Variants in FGF17 observed in about 807,000 individuals in gnomAD.
The protein encoded by FGF17 is fibroblast growth factor 17.
FGF17 carries 5 observed loss-of-function variants against 23.5 expected under a neutral mutation model. That is an observed-to-expected ratio of 0.21 (90% confidence interval 0.11 to 0.45). The LOEUF (loss-of-function observed/expected upper bound fraction) is 0.45, where lower values mean the gene tolerates loss of function less well. Among genes scored for constraint, FGF17 ranks in the 20% least tolerant of loss-of-function variants. The probability of loss-of-function intolerance (pLI) is 0.99; values close to 1 mark genes in which losing one functional copy is unlikely to be tolerated. For missense variants in FGF17, 221 were observed against 306.9 expected (o/e 0.72, Z 2.09); for synonymous variants, 136 against 123.0 (o/e 1.11, Z -0.70).
chr8:22,045,807 G>T, intron 2 of FGF17: 2 of 1,300,876 alleles, frequency 1.5e-6, no homozygotes, highest in Non-Finnish European at 2.0e-6. Flanking sequence ...TAGAATACGA[G>T]GACGGGATAG....
chr8:22,040,745 G>C (rs1373130114), upstream of FGF17, among the ~76,000 whole-genome samples: 2 of 152,226 alleles, frequency 1.3e-5, no homozygotes, highest in Non-Finnish European at 2.9e-5. Flanking sequence ...TCGCCCCCCA[G>C]CTGACACCTC....
At chr8:22,042,621 T>C (rs1326976265), upstream of FGF17, 2 of 577,988 alleles carry the variant, frequency 3.5e-6, no homozygotes, top group Non-Finnish European at 3.1e-6. Flanking sequence ...ATCCCTGCAC[T>C]GGGTGGCCCA....
At chr8:22,047,835 TG>T in intron 4 of FGF17, 120 bp from the exon 5 acceptor site, 2 of 959,590 alleles carry the variant, frequency 2.1e-6, no homozygotes, top group Non-Finnish European at 3.1e-6. Context: ...CAGAGTTCCC[TG>T]GGCTCACGGC....
chr8:22,042,804 G>GC, upstream of FGF17: 9 of 719,556 alleles, frequency 1.3e-5, no homozygotes, highest in Non-Finnish European at 2.0e-5. Flanking sequence ...TCTCCTCCTC[G>GC]CCCCCCTGAA....
chr8:22,042,663 G>A (rs545389403), upstream of FGF17: 13 of 597,800 alleles, frequency 2.2e-5, no homozygotes, highest in East Asian at 1.9e-4. Flanking sequence ...GGCACAGCGC[G>A]CACGCCCCCA....
Position 22,042,958 on chromosome 8 carries a change from C to A in FGF17, c.30C>A (p.Leu10=). 1 of 1,613,360 alleles carries A rather than the reference C, an allele frequency of 6.2e-7. No individual in the cohort carries two copies. The change falls in exon 1 of 5, where the codon CTC becomes CTA. Residue 10 remains leucine (L), a synonymous_variant. Transcript: ENST00000359441. The part of the protein sequence containing the change: MGAARLLPN[L]TLCLQLLILC... Reference sequence around the variant, plus strand: ...GAGCCGCCCGCCTGCTGCCCAACCTCACTCTGTAAGTGTGCTACCTCTCCC... The same window carrying A: ...GAGCCGCCCGCCTGCTGCCCAACCTAACTCTGTAAGTGTGCTACCTCTCCC...
upstream of FGF17, chr8:22,042,604 C>A: frequency 1.8e-6 from 1 of 553,042 alleles, no homozygotes; most frequent in Non-Finnish European, 3.2e-6. Context: ...AAGGCCCCCA[C>A]CGCTCCATCC....
At chr8:22,043,873 C>T (rs867574122) in intron 2 of FGF17, among the ~76,000 whole-genome samples, 10 of 152,218 alleles carry the variant, frequency 6.6e-5, no homozygotes, top group Non-Finnish European at 8.8e-5. Flanking sequence ...GGTCCAGAAC[C>T]GCTCTGGGGA....
upstream of FGF17, among the ~76,000 whole-genome samples, chr8:22,040,963 GA>G (rs1441365532): frequency 6.6e-6 from 1 of 152,202 alleles, no homozygotes; most frequent in Non-Finnish European, 1.5e-5. Context: ...TCCGCAGGGG[GA>G]AAGCAGAGAG....
Position 22,048,336 on chromosome 8 carries a change from G to A in FGF17, c.*87G>A. The A allele has an allele frequency of 8.3e-7, 1 of 1,204,162 alleles. No individual in the cohort carries two copies. The highest frequency in any genetic ancestry group is 1.1e-6 in the Non-Finnish European group (1 of 876,974). 74.6% of individuals were successfully genotyped at this position (1,204,162 alleles called of 1,614,324 possible). A position where few individuals can be genotyped will look rare whatever the true frequency, so the allele number is the denominator to read the frequency against. On this transcript the variant is annotated 3_prime_UTR_variant, in exon 5 of 5. Transcript: ENST00000359441. The surrounding 1 kb of genome is among the most constrained non-coding windows in gnomAD (Gnocchi z 6.9). ...AAGGACTGGGCTGGGGTGGCGGGAGGGGAGCCAGATCCCCGAGGGAGGACC... is the reference window on the plus strand; with the variant it reads ...AAGGACTGGGCTGGGGTGGCGGGAGAGGAGCCAGATCCCCGAGGGAGGACC...
Position 22,046,730 on chromosome 8 carries a change from C to A in FGF17, c.357+97C>A, listed in dbSNP as rs1184326785. 15 of 803,548 alleles carry A rather than the reference C, an allele frequency of 1.9e-5. No individual in the cohort carries two copies. In the East Asian group the frequency reaches 2.7e-4, roughly 14 times the overall value. The allele number at this position is 803,548 out of a possible 1,614,324, so 49.8% of individuals were successfully genotyped here. A position where few individuals can be genotyped will look rare whatever the true frequency, so the allele number is the denominator to read the frequency against. On this transcript the variant is annotated intron_variant, in intron 4 of 4. Transcript: ENST00000359441. ...CCCCTCTCTCCTCTGAGCCACACAC[C>A]CTCCTGTGTAAAGACTTCCCATCCT...
At chr8:22,042,563 G>C (rs538180112), upstream of FGF17, 28 of 470,862 alleles carry the variant, frequency 5.9e-5, no homozygotes, top group African/African-American at 4.9e-4. Flanking sequence ...GTCAGGAATA[G>C]AGCAGGAGAC....
rs577326455 is a variant in FGF17 at position 22,043,198 on chromosome 8, A to C, written c.72+17A>C. 2 of 1,612,410 alleles carry C rather than the reference A, an allele frequency of 1.2e-6. No individual in the cohort carries two copies. The highest frequency in any genetic ancestry group is 1.7e-6 in the Non-Finnish European group (2 of 1,179,824). The stretch of plus-strand genomic sequence containing the variant: ...CAAACTCAGGTAGGCGGGCATTCCC[A>C]CCGGCTTTCCCCCAATTTTTCCACC... On this transcript the variant is annotated intron_variant, in intron 2 of 4. Coordinates refer to ENST00000359441, the MANE Select transcript of FGF17 (RefSeq NM_003867.4).
rs1801006716 is a variant in FGF17, at chr8:22,048,308, T to A, written c.*59T>A. The A allele has an allele frequency of 7.2e-7, 1 of 1,391,228 alleles. No individual in the cohort carries two copies. The highest frequency in any genetic ancestry group is 1.4e-5 in the African/African-American group (1 of 69,622). The allele number at this position is 1,391,228 out of a possible 1,614,324, so 86.2% of individuals were successfully genotyped here. ...CCTCCCCACCCCTTTCCCTTCTTAA[T>A]CCAAGGACTGGGCTGGGGTGGCGGG... On this transcript the variant is annotated 3_prime_UTR_variant, in exon 5 of 5. Coordinates refer to ENST00000359441, the MANE Select transcript of FGF17 (RefSeq NM_003867.4). This position sits in a 1 kb window ranked among gnomAD's most constrained non-coding sequence, Gnocchi z 6.9.
chr8:22,046,729 C>T, intron 4 of FGF17, 96 bp downstream of exon 4: 2 of 809,376 alleles, frequency 2.5e-6, no homozygotes, highest in Admixed American at 4.8e-5. Context: ...GAGCCACACA[C>T]CCTCCTGTGT....
At chr8:22,040,249 G>A (rs556474608), upstream of FGF17, among the ~76,000 whole-genome samples, 6 of 152,318 alleles carry the variant, frequency 3.9e-5, no homozygotes, top group Non-Finnish European at 7.3e-5. Flanking sequence ...CAGTATCCCT[G>A]CTGGTAGCCA....
chr8:22,046,710 C>G (rs897623096), intron 4 of FGF17, 77 bp downstream of exon 4: 5 of 941,266 alleles, frequency 5.3e-6, no homozygotes, highest in African/African-American at 4.9e-5. Context: ...ATGCTCCCCT[C>G]TCTCCTCTGA....
upstream of FGF17, among the ~76,000 whole-genome samples, chr8:22,040,717 G>T (rs75337766): frequency 4.7e-4 from 72 of 152,346 alleles, 1 homozygote; most frequent in East Asian, 0.014. Flanking sequence ...AGCATAAATT[G>T]GAACCGTTAC....
chr8:22,044,322 G>A (rs545180657), intron 2 of FGF17, among the ~76,000 whole-genome samples: 3 of 152,230 alleles, frequency 2.0e-5, no homozygotes, highest in East Asian at 3.9e-4. Context: ...TGCTTGAGGG[G>A]CTGTCTGACA....
Sources: gnomAD v4.1 joint callset for allele counts (sites outside exome capture counted in the v4.1 genomes callset) on GRCh38, gnomAD v4.1.1 for gene constraint, Gnocchi (gnomAD v3.1) non-coding constraint, MANE v1.5 for transcripts, NCBI Gene and HGNC (gene_info 2026-07-23, HGNC 2026-07-21) for gene names.